Variants in ERG observed in about 807,000 individuals in gnomAD.
ERG encodes transcriptional regulator ERG.
Under a neutral mutation model 55.3 loss-of-function variants are expected in ERG, and 9 were observed. The observed-to-expected ratio is 0.16, with a 90% CI of 0.10 to 0.28. ERG has a LOEUF of 0.28. Among genes scored for constraint, ERG ranks in the 10% least tolerant of loss-of-function variants. The pLI, the probability that ERG is intolerant of heterozygous loss-of-function variation, is 1.00. For synonymous variants in ERG, 223 were observed against 237.3 expected (o/e 0.94, Z 0.55); for missense variants, 434 against 631.6 (o/e 0.69, Z 3.35).
At chr21:38,475,921 G>A (rs1226524881) in intron 1 of ERG, among the ~76,000 whole-genome samples, 1 of 152,100 alleles carries the variant, frequency 6.6e-6, no homozygotes, top group East Asian at 1.9e-4. Flanking sequence ...AATCCCAAAG[G>A]GATAAAAAGA....
intron 1 of ERG, among the ~76,000 whole-genome samples, chr21:38,658,360 A>G (rs2060531795): frequency 1.3e-5 from 2 of 152,150 alleles, no homozygotes; most frequent in African/African-American, 4.8e-5. Flanking sequence ...CACCTTCTCA[A>G]TGGAGTTCTA....
At chr21:38,535,140 G>T (rs1568891214) in intron 2 of ERG, among the ~76,000 whole-genome samples, 1 of 151,698 alleles carries the variant, frequency 6.6e-6, no homozygotes, top group Non-Finnish European at 1.5e-5. Context: ...CACCATAGAT[G>T]AATCTTAAGG....
chr21:38,486,596 A>G (rs990181690), intron 1 of ERG, among the ~76,000 whole-genome samples: 10 of 152,212 alleles, frequency 6.6e-5, no homozygotes, highest in Non-Finnish European at 1.3e-4. Context: ...AACAAACACA[A>G]TCAAGGAAGA....
chr21:38,575,789 G>A lies in ERG; in HGVS notation c.-126-42C>T, dbSNP rs1030815709. The A allele has an allele frequency of 5.8e-5, 81 of 1,395,324 alleles. No individual in the cohort carries two copies. The Middle Eastern group carries it at 8.9e-4, about 15-fold the overall frequency. 86.4% of individuals were successfully genotyped at this position (1,395,324 alleles called of 1,614,324 possible). A position where few individuals can be genotyped will look rare whatever the true frequency, so the allele number is the denominator to read the frequency against. On this transcript the variant is annotated intron_variant, in intron 1 of 8. Transcript: ENST00000398897. ...ACAACATACATAATAATAAACAACTGCATTTCTGTGTTTTATGTTCTAGCA... is the reference window on the plus strand; with the variant it reads ...ACAACATACATAATAATAAACAACTACATTTCTGTGTTTTATGTTCTAGCA...
chr21:38,496,302 CAG>C (rs1354193830), intron 1 of ERG, among the ~76,000 whole-genome samples: 3 of 152,154 alleles, frequency 2.0e-5, no homozygotes, highest in Non-Finnish European at 4.4e-5. Flanking sequence ...AACAAAAAAA[CAG>C]AGTGCATTGA....
intron 1 of ERG, among the ~76,000 whole-genome samples, chr21:38,628,366 T>C (rs1334678103): frequency 6.6e-6 from 1 of 152,126 alleles, no homozygotes; most frequent in East Asian, 1.9e-4. Flanking sequence ...AGTTCAACCA[T>C]TTAAAAAACA....
At chr21:38,573,561 A>C (rs2059974944) in intron 2 of ERG, among the ~76,000 whole-genome samples, 1 of 152,270 alleles carries the variant, frequency 6.6e-6, no homozygotes, top group Admixed American at 6.5e-5. Context: ...GCCTATGTGC[A>C]CATCCAGGCA....
At chr21:38,405,290 G>A (rs1988712661) in intron 3 of ERG, among the ~76,000 whole-genome samples, 1 of 152,166 alleles carries the variant, frequency 6.6e-6, no homozygotes, top group Non-Finnish European at 1.5e-5. Flanking sequence ...ATTTCAAGAT[G>A]TAGCCAAATG....
intron 1 of ERG, among the ~76,000 whole-genome samples, chr21:38,459,096 G>A (rs983305596): frequency 1.3e-5 from 2 of 151,980 alleles, no homozygotes; most frequent in Non-Finnish European, 2.9e-5. Context: ...TTTCCTCTGT[G>A]CACTCTCCTG....
chr21:38,401,999 T>G (rs1369710638), intron 5 of ERG, among the ~76,000 whole-genome samples: 1 of 152,116 alleles, frequency 6.6e-6, no homozygotes, highest in Admixed American at 6.5e-5. Flanking sequence ...ATAGCAGAGG[T>G]TCCCTCTGAA....
At chr21:38,514,377 G>GA in intron 2 of ERG, among the ~76,000 whole-genome samples, 1 of 151,740 alleles carries the variant, frequency 6.6e-6, no homozygotes, top group Middle Eastern at 3.4e-3. Context: ...TAAAATTCTA[G>GA]AAAACAAAAC....
In ERG at chr21:38,464,717, C is replaced by A. The variant is rs117462260; in HGVS notation, c.19-19096G>T. On this transcript the variant is annotated intron_variant, in intron 1 of 9. Transcript: ENST00000288319. Reference sequence around the variant, plus strand: ...TCTCCTAATGCTATCCCTCACCTACCCTCCTACCCCCCGAGAGGCCCTGGT... The same window carrying A: ...TCTCCTAATGCTATCCCTCACCTACACTCCTACCCCCCGAGAGGCCCTGGT... Among the ~76,000 whole-genome samples the A allele has an allele frequency of 4.1e-3, 616 of 151,850 alleles. 1 individual carries two copies. The highest frequency in any genetic ancestry group is 7.3e-3 in the Non-Finnish European group (499 of 67,942).
rs757019363 is a variant in ERG at position 38,549,129 on chromosome 21, C to CAACAA, written c.-41+26528_-41+26532dup. Among the ~76,000 whole-genome samples, 26 of 151,860 alleles carry CAACAA rather than the reference C, an allele frequency of 1.7e-4. No homozygotes were observed. The East Asian group carries it at 2.9e-3, about 17-fold the overall frequency. Reference sequence around the variant, plus strand: ...CTCTGTCTCAAAAAACAAAACAAAACAACAAAACAAAACAAAACAAAAAAG... The same window carrying CAACAA: ...CTCTGTCTCAAAAAACAAAACAAAACAACAAAACAAAACAAAACAAAACAAAAAAG... On this transcript the variant is annotated intron_variant, in intron 2 of 8. Transcript: ENST00000398897.
At chr21:38,376,060 T>C (rs539258762), downstream of ERG, among the ~76,000 whole-genome samples, 8 of 152,368 alleles carry the variant, frequency 5.3e-5, no homozygotes, top group East Asian at 1.2e-3. Flanking sequence ...CTTCCTTGAA[T>C]GAAAGCTATA....
intron 1 of ERG, among the ~76,000 whole-genome samples, chr21:38,495,931 A>C (rs1321021280): frequency 6.6e-6 from 1 of 152,170 alleles, no homozygotes; most frequent in East Asian, 1.9e-4. Context: ...GAAGCACCAA[A>C]ACCAATCAGT....
At chr21:38,414,575 T>C (rs376294134) in intron 3 of ERG, among the ~76,000 whole-genome samples, 3 of 152,326 alleles carry the variant, frequency 2.0e-5, no homozygotes, top group East Asian at 1.9e-4. Flanking sequence ...TTAATCCATA[T>C]AGCACCACAT....
chr21:38,372,593 T>C, the ERG span, among the ~76,000 whole-genome samples: 1 of 152,054 alleles, frequency 6.6e-6, no homozygotes, highest in African/African-American at 2.4e-5. Flanking sequence ...AACGTTAGTA[T>C]ATTTCCTAAG....
At chr21:38,434,108 C>T (rs956067444) in intron 2 of ERG, among the ~76,000 whole-genome samples, 3 of 152,204 alleles carry the variant, frequency 2.0e-5, no homozygotes, top group Non-Finnish European at 4.4e-5. Flanking sequence ...CCTAGATTCT[C>T]CTCAGTGATC....
chr21:38,590,507 T>A (rs1397913804), intron 1 of ERG, among the ~76,000 whole-genome samples: 1 of 152,260 alleles, frequency 6.6e-6, no homozygotes, highest in African/African-American at 2.4e-5. Flanking sequence ...ACTGATAATG[T>A]TGTCTTCTTC....
Sources: gnomAD v4.1 joint callset for allele counts (sites outside exome capture counted in the v4.1 genomes callset) on GRCh38, gnomAD v4.1.1 for gene constraint, MANE v1.5 for transcripts, NCBI Gene and HGNC (gene_info 2026-07-23, HGNC 2026-07-21) for gene names.